The following NAALADL2 variants were observed in gnomAD, a reference collection of about 807,000 sequenced individuals.
The protein encoded by NAALADL2 is inactive N-acetylated-alpha-linked acidic dipeptidase-like protein 2.
NAALADL2 carries 76 observed loss-of-function variants against 87.2 expected under a neutral mutation model. That is an observed-to-expected ratio of 0.87 (90% CI 0.72 to 1.05). The LOEUF (loss-of-function observed/expected upper bound fraction) is 1.05, where lower values mean the gene tolerates loss of function less well. Among genes scored for constraint, NAALADL2 ranks in the 50% least tolerant of loss-of-function variants. NAALADL2 has a pLI of 0.00. For missense variants in NAALADL2, 1,089 were observed against 945.8 expected (o/e 1.15, Z -1.99); for synonymous variants, 354 against 331.0 (o/e 1.07, Z -0.75).
chr3:174,597,894 T>G (rs1718071337), intron 2 of NAALADL2, among the ~76,000 whole-genome samples: 1 of 152,212 alleles, frequency 6.6e-6, no homozygotes, highest in African/African-American at 2.4e-5. Flanking sequence ...TGATCTTTCC[T>G]GACTTTGAAC....
chr3:175,602,599 G>T (rs1723128505), intron 10 of NAALADL2, among the ~76,000 whole-genome samples: 1 of 151,940 alleles, frequency 6.6e-6, no homozygotes, highest in Admixed American at 6.6e-5. Context: ...AATTCTGCCT[G>T]GGAAGACTGG....
chr3:174,936,614 C>T (rs1360346203), intron 1 of NAALADL2, among the ~76,000 whole-genome samples: 1 of 152,048 alleles, frequency 6.6e-6, no homozygotes, highest in African/African-American at 2.4e-5. Context: ...TTTGGTAATA[C>T]TTTAGTCTGG....
intron 2 of NAALADL2, among the ~76,000 whole-genome samples, chr3:174,571,796 G>A (rs1037251606): frequency 2.0e-5 from 3 of 152,152 alleles, no homozygotes; most frequent in Non-Finnish European, 2.9e-5. Context: ...AAGGAGCTGG[G>A]TGGGTAGGGA....
intron 13 of NAALADL2, among the ~76,000 whole-genome samples, chr3:175,781,833 G>A (rs571057982): frequency 1.3e-5 from 2 of 151,942 alleles, no homozygotes; most frequent in East Asian, 3.9e-4. Context: ...CTAGCATTAG[G>A]TGTATCTCCC....
chr3:175,338,614 ACACCAC>A (rs1560388533), intron 5 of NAALADL2, among the ~76,000 whole-genome samples: 5 of 99,730 alleles, frequency 5.0e-5, no homozygotes, highest in South Asian at 3.6e-4. Context: ...AAAAAAAAAA[ACACCAC>A]AAACACACAC....
At position 175,084,544 on chromosome 3, in the gene NAALADL2, A is replaced by T. The variant is rs373602709; in HGVS notation, c.44-12246A>T. 3.9e-5 allele frequency among the ~76,000 whole-genome samples: 6 copies of T among 152,208 alleles called. No individual in the cohort carries two copies. In the East Asian group the frequency reaches 7.7e-4, roughly 20 times the overall value. On this transcript the variant is annotated intron_variant, in intron 1 of 13. Transcript: ENST00000454872. ...ATGCCTTAATTACAGTCTGCATAAG[A>T]CACCTCAGCATATAAATGTCTCACT...
At chr3:175,418,879 A>G (rs925190098) in intron 5 of NAALADL2, among the ~76,000 whole-genome samples, 1 of 152,012 alleles carries the variant, frequency 6.6e-6, no homozygotes, top group Non-Finnish European at 1.5e-5. Flanking sequence ...TTGTGTTGAG[A>G]CTCAAAGACA....
chr3:175,455,837 A>C (rs950345743), intron 6 of NAALADL2, among the ~76,000 whole-genome samples: 1 of 152,086 alleles, frequency 6.6e-6, no homozygotes, highest in African/African-American at 2.4e-5. Context: ...AGGATCAGGA[A>C]AATTAAGAAA....
chr3:174,910,165 CATATAT>C lies in NAALADL2; in HGVS notation c.43+50722_43+50727del, dbSNP rs61002031. 7.3e-5 allele frequency among the ~76,000 whole-genome samples: 11 copies of C among 151,120 alleles called. No homozygotes were observed. The East Asian group carries it at 1.2e-3, about 16-fold the overall frequency. On this transcript the variant is annotated intron_variant, in intron 1 of 13. Transcript: ENST00000454872. ...TAACTTTATTTTAATAGTTTATATA[CATATAT>C]ATATATCACATAGAGATCGTCAGAA...
intron 2 of NAALADL2, among the ~76,000 whole-genome samples, chr3:175,200,709 C>T (rs765742029): frequency 6.6e-6 from 1 of 152,174 alleles, no homozygotes; most frequent in Non-Finnish European, 1.5e-5. Flanking sequence ...TTTTCTTTCT[C>T]ATTGCCATGA....
intron 11 of NAALADL2, among the ~76,000 whole-genome samples, chr3:175,681,406 A>G (rs1735577209): frequency 6.6e-6 from 1 of 152,176 alleles, no homozygotes; most frequent in Admixed American, 6.5e-5. Context: ...AATTTAAACT[A>G]AATAACTAGT....
At chr3:175,724,205 A>G (rs971760815) in intron 11 of NAALADL2, among the ~76,000 whole-genome samples, 1 of 152,170 alleles carries the variant, frequency 6.6e-6, no homozygotes, top group Non-Finnish European at 1.5e-5. Flanking sequence ...TCAACTATAA[A>G]GATACTAAAA....
intron 4 of NAALADL2, among the ~76,000 whole-genome samples, chr3:175,288,196 C>T (rs79974222): frequency 0.054 from 8,211 of 152,098 alleles, 709 homozygotes; most frequent in African/African-American, 0.18. Context: ...ATTCTCCTCC[C>T]TCAGGAAAAA....
intron 2 of NAALADL2, among the ~76,000 whole-genome samples, chr3:174,563,026 A>G (rs1040736526): frequency 6.6e-6 from 1 of 152,112 alleles, no homozygotes; most frequent in Non-Finnish European, 1.5e-5. Flanking sequence ...GTTTTTTGTG[A>G]CATAGCAGTT....
intron 2 of NAALADL2, among the ~76,000 whole-genome samples, chr3:174,591,811 G>C (rs764330985): frequency 6.6e-6 from 1 of 151,944 alleles, no homozygotes; most frequent in African/African-American, 2.4e-5. Flanking sequence ...TTTTGTTTTT[G>C]TTTATTTAGT....
chr3:174,825,010 C>A (rs1289389640), intron 3 of NAALADL2, among the ~76,000 whole-genome samples: 1 of 152,208 alleles, frequency 6.6e-6, no homozygotes. Flanking sequence ...GATTTAGACA[C>A]ACTTGCCCTT....
intron 11 of NAALADL2, among the ~76,000 whole-genome samples, chr3:175,684,696 G>A (rs190385643): frequency 1.6e-3 from 243 of 152,122 alleles, no homozygotes; most frequent in African/African-American, 5.3e-3. Context: ...CCAGCTACTC[G>A]GGAGGCTGAG....
At position 174,615,509 on chromosome 3, in the gene NAALADL2, C is replaced by T. The variant is rs372664037; in HGVS notation, c.-115+64872C>T. Among the ~76,000 whole-genome samples the T allele has an allele frequency of 7.2e-4, 110 of 152,198 alleles. 2 individuals carry two copies. The South Asian group carries it at 0.022, about 30-fold the overall frequency. On this transcript the variant is annotated intron_variant, in intron 2 of 3. Transcript: ENST00000434257. ...CACTATCATTGGGAAGATTTAGAAG[C>T]GTATTGCTTGGTGTATTAAGGAAGA...
chr3:175,604,860 T>C (rs1001521392), intron 10 of NAALADL2, among the ~76,000 whole-genome samples: 5 of 152,128 alleles, frequency 3.3e-5, no homozygotes, highest in Admixed American at 2.0e-4. Flanking sequence ...ACAATAATGA[T>C]GAAGACCAAT....
Sources: gnomAD v4.1 joint callset for allele counts (sites outside exome capture counted in the v4.1 genomes callset) on GRCh38, gnomAD v4.1.1 for gene constraint, MANE v1.5 for transcripts, NCBI Gene and HGNC (gene_info 2026-07-23, HGNC 2026-07-21) for gene names.